Variants in DHX30 observed in about 807,000 individuals in gnomAD.
DHX30 encodes the protein ATP-dependent RNA helicase DHX30.
A neutral mutation model predicts 116.9 loss-of-function variants in DHX30; 4 were observed. The ratio of observed to expected loss-of-function variants is 0.03; its 90% confidence interval spans 0.02 to 0.08. The LOEUF (loss-of-function observed/expected upper bound fraction) is 0.08. DHX30 is among the 10% of genes least tolerant of loss of function. The pLI is 1.00. For synonymous variants in DHX30, 697 were observed against 651.7 expected (o/e 1.07, Z -1.06); for missense variants, 871 against 1,595.1 (o/e 0.55, Z 7.73).
intron 2 of DHX30, among the ~76,000 whole-genome samples, chr3:47,807,139 G>A (rs1478235699): frequency 6.6e-6 from 1 of 151,922 alleles, no homozygotes; most frequent in African/African-American, 2.4e-5. Flanking sequence ...CCGGGAGGTG[G>A]AGGTTGTAGT....
rs567243994 is a variant in DHX30, at chr3:47,808,068, G to T, written c.-27-2589G>T. 2.6e-5 allele frequency among the ~76,000 whole-genome samples: 4 copies of T among 151,150 alleles called. No homozygotes were observed. The South Asian group carries it at 8.4e-4, about 32-fold the overall frequency. On this transcript the variant is annotated intron_variant, in intron 2 of 21. Transcript: ENST00000445061. ...TGGGATTACAGGCATGCACCACCAC[G>T]TCCGGCTAATTTTGTATTTTTAGTA...
Position 47,848,067 on chromosome 3 carries a change from C to T in DHX30, c.2286+111C>T, listed in dbSNP as rs112448732. ...TGCTTTGTGTGTCTTCAGAAGGCCG[C>T]GCTTGTGGGGTCTCAGTGTTCCTGA... is the stretch of plus-strand genomic sequence containing the variant. On this transcript the variant is annotated intron_variant, in intron 14 of 21. Transcript: ENST00000445061. This position sits in a 1 kb window ranked among gnomAD's most constrained non-coding sequence, Gnocchi z 9.4. The T allele has an allele frequency of 7.6e-6, 12 of 1,578,670 alleles. 1 individual carries two copies. Among genetic ancestry groups the T allele is most frequent in the South Asian group, 6.9e-5 (6 of 87,346 alleles).
Position 47,841,607 on chromosome 3 carries a change from G to T in DHX30, c.669-10G>T, listed in dbSNP as rs780529763. ...GAGAATTCTTTCAGTTAAACTTTTG[G>T]TCCTCCCAGGGGGAGTTCCTTTGAG... On this transcript the variant is annotated splice_polypyrimidine_tract_variant and intron_variant, in intron 7 of 21. Coordinates refer to ENST00000445061, the MANE Select transcript of DHX30 (RefSeq NM_138615.3). 4.3e-6 allele frequency: 7 copies of T among 1,613,882 alleles called. No individual in the cohort carries two copies. The East Asian group carries it at 1.3e-4, about 31-fold the overall frequency.
chr3:47,812,738 A>C (rs1313100317), intron 3 of DHX30, among the ~76,000 whole-genome samples: 1 of 146,148 alleles, frequency 6.8e-6, no homozygotes, highest in Non-Finnish European at 1.5e-5. Flanking sequence ...AGCTTGGCTC[A>C]CTGCAACCTC....
At chr3:47,815,723 C>CAAAAAAAAAAAAAAAAAAAAAA (rs11349970) in intron 3 of DHX30, among the ~76,000 whole-genome samples, 6 of 20,758 alleles carry the variant, frequency 2.9e-4, no homozygotes, top group East Asian at 1.9e-3. Flanking sequence ...TAAAAAAGAG[C>CAAAAAAAAAAAAAAAAAAAAAA]AAAAAAAAAA....
In DHX30 at chr3:47,850,189, T is replaced by C; in HGVS notation, c.*69T>C. 1 of 1,474,756 alleles carries C rather than the reference T, an allele frequency of 6.8e-7. No homozygotes were observed. The allele number at this position is 1,474,756 out of a possible 1,614,324, so 91.4% of individuals were successfully genotyped here. On this transcript the variant is annotated 3_prime_UTR_variant, in exon 22 of 22. Coordinates refer to ENST00000445061, the MANE Select transcript of DHX30 (RefSeq NM_138615.3). ...TTAAAATAAAGTTCTATTTATCCCT[T>C]GTGACCACTGCTGTCCACTAGGGGC...
At chr3:47,829,194 T>C (rs1048246295) in intron 6 of DHX30, 60 bp downstream of exon 6, 20 of 916,222 alleles carry the variant, frequency 2.2e-5, no homozygotes, top group African/African-American at 3.4e-5. Context: ...TTGCCCTTTG[T>C]TTTTATTGGT....
intron 2 of DHX30, among the ~76,000 whole-genome samples, chr3:47,809,613 A>G (rs974960337): frequency 1.3e-5 from 2 of 152,108 alleles, no homozygotes; most frequent in Admixed American, 1.3e-4. Context: ...GTGATATACC[A>G]TATCCTATGG....
At chr3:47,849,390 C>T (rs762708138) in intron 19 of DHX30, 41 bp downstream of exon 19, 1 of 1,587,270 alleles carries the variant, frequency 6.3e-7, no homozygotes, top group East Asian at 2.2e-5. Flanking sequence ...CAGGTCCCAG[C>T]CTCCTTCCCT....
chr3:47,816,961 A>G (rs1016265360), intron 3 of DHX30: 1 of 984,644 alleles, frequency 1.0e-6, no homozygotes, highest in African/African-American at 1.7e-5. Context: ...CCTGCTGAAG[A>G]TTATAATTCT....
Position 47,847,801 on chromosome 3 carries a change from A to G in DHX30, c.2131A>G (p.Met711Val), listed in dbSNP as rs2037684985. Reference protein sequence around the residue: ...ILPVHSNIPMMDQKAIFQQPP... With the variant: ...ILPVHSNIPMVDQKAIFQQPP... ...ACCAGTGCACTCCAACATCCCCATGATGGATCAGAAGGCCATATTCCAGCA... is the reference window on the plus strand; with the variant it reads ...ACCAGTGCACTCCAACATCCCCATGGTGGATCAGAAGGCCATATTCCAGCA... Residue 711 changes from methionine to valine, a missense_variant, in exon 14 of 22, where the codon ATG becomes GTG. Around this residue, in one of 13 missense-constraint regions of DHX30, gnomAD observed 49 missense variants for 60.9 expected, o/e 0.80. Coordinates refer to ENST00000445061, the MANE Select transcript of DHX30 (RefSeq NM_138615.3). The surrounding 1 kb of genome is among the most constrained non-coding windows in gnomAD (Gnocchi z 5.5). 1 of 1,614,014 alleles carries G rather than the reference A, an allele frequency of 6.2e-7. No individual in the cohort carries two copies. Among genetic ancestry groups the G allele is most frequent in the South Asian group, 1.1e-5 (1 of 91,066 alleles).
At chr3:47,825,186 C>G in intron 4 of DHX30, 1 of 660,986 alleles carries the variant, frequency 1.5e-6, no homozygotes, top group Non-Finnish European at 2.7e-6. Context: ...AGGAAGCCGC[C>G]GAGGCCGAGT....
chr3:47,847,062 C>T lies in DHX30; in HGVS notation c.1929+61C>T, dbSNP rs1433578798. 2 of 1,564,252 alleles carry T rather than the reference C, an allele frequency of 1.3e-6. No homozygotes were observed. Among genetic ancestry groups the T allele is most frequent in the South Asian group, 2.4e-5 (2 of 83,948 alleles). ...CCTTTCCTCCGTGGATGCCCCTCCT[C>T]CCTGGCCCTGGGGCTTGGTGCCTGG... is the stretch of plus-strand genomic sequence containing the variant. On this transcript the variant is annotated intron_variant, in intron 11 of 21. Transcript: ENST00000445061. This position sits in a 1 kb window ranked among gnomAD's most constrained non-coding sequence, Gnocchi z 5.5.
At chr3:47,821,919 G>A (rs747063905) in intron 4 of DHX30, among the ~76,000 whole-genome samples, 61 of 152,206 alleles carry the variant, frequency 4.0e-4, no homozygotes, top group Non-Finnish European at 8.1e-4. Flanking sequence ...TTTAGAGGAG[G>A]AGTTGGTAAT....
intron 4 of DHX30, among the ~76,000 whole-genome samples, chr3:47,822,700 G>A (rs1437449690): frequency 6.6e-6 from 1 of 152,080 alleles, no homozygotes; most frequent in Admixed American, 6.6e-5. Context: ...CAGGAGAATC[G>A]CTTGAACCCA....
Position 47,847,899 on chromosome 3 carries a change from C to T in DHX30, c.2229C>T (p.Ile743=), listed in dbSNP as rs144885103. ...AGACTTCCATCACAATCAATGACAT[C>T]GTGCATGTGGTGGACAGTGGGCTGC... ...IAETSITIND[I]VHVVDSGLHK... Residue 743 remains isoleucine, a synonymous_variant, in exon 14 of 22, where the codon ATC becomes ATT. Coordinates refer to ENST00000445061, the MANE Select transcript of DHX30 (RefSeq NM_138615.3). The surrounding 1 kb of genome is among the most constrained non-coding windows in gnomAD (Gnocchi z 5.5). The T allele has an allele frequency of 7.4e-6, 12 of 1,614,036 alleles. No individual in the cohort carries two copies. Among genetic ancestry groups the T allele is most frequent in the African/African-American group, 1.3e-5 (1 of 74,916 alleles).
intron 8 of DHX30, chr3:47,842,556 A>G (rs2037426623): frequency 6.6e-6 from 1 of 152,304 alleles, no homozygotes; most frequent in African/African-American, 2.4e-5. Flanking sequence ...ATTACATTTA[A>G]GTCCCCCTCC....
At chr3:47,811,505 C>T (rs944252280) in intron 3 of DHX30, among the ~76,000 whole-genome samples, 2 of 152,094 alleles carry the variant, frequency 1.3e-5, no homozygotes, top group Non-Finnish European at 2.9e-5. Flanking sequence ...TCAGTAAACA[C>T]TGGTGGAAGT....
intron 3 of DHX30, among the ~76,000 whole-genome samples, chr3:47,812,824 C>T (rs1290372199): frequency 4.0e-5 from 6 of 150,998 alleles, no homozygotes; most frequent in East Asian, 2.1e-4. Context: ...CCACCACACC[C>T]GGGTAATTCT....
Sources: allele counts gnomAD v4.1 joint callset (sites outside exome capture counted in the v4.1 genomes callset), GRCh38; gene constraint gnomAD v4.1.1; regional missense constraint gnomAD v4.1.1; non-coding constraint Gnocchi (gnomAD v3.1); transcripts MANE v1.5; gene names NCBI Gene and HGNC (gene_info 2026-07-23, HGNC 2026-07-21).